CTNNA2: variants seen among roughly 807,000 people sequenced by gnomAD.
CTNNA2 encodes the protein catenin alpha 2.
In CTNNA2, 42 loss-of-function variants were observed where a neutral mutation model predicts 101.0. The ratio of observed to expected loss-of-function variants is 0.42; its 90% CI spans 0.32 to 0.54. The LOEUF (loss-of-function observed/expected upper bound fraction) is 0.54. CTNNA2 is among the 20% of genes least tolerant of loss of function. The probability of loss-of-function intolerance (pLI) is 0.14; values close to 1 mark genes in which losing one functional copy is unlikely to be tolerated. For missense variants in CTNNA2, 871 were observed against 1,223.1 expected, an observed-to-expected ratio of 0.71 and a Z score of 4.29; for synonymous variants, 450 against 456.4, an observed-to-expected ratio of 0.99 and a Z score of 0.18.
intron 9 of CTNNA2, among the ~76,000 whole-genome samples, chr2:80,484,240 AT>A (rs1686372224): frequency 6.6e-6 from 1 of 152,106 alleles, no homozygotes; most frequent in South Asian, 2.1e-4. Context: ...TTAAAGCAAG[AT>A]TTGTGATACT....
chr2:79,292,009 G>A (rs1308963113), intron 2 of CTNNA2, among the ~76,000 whole-genome samples: 1 of 152,062 alleles, frequency 6.6e-6, no homozygotes, highest in African/African-American at 2.4e-5. Context: ...TTGGGGGGTA[G>A]AGCTCACCTG....
intron 7 of CTNNA2, among the ~76,000 whole-genome samples, chr2:80,305,696 C>A (rs563947000): frequency 6.6e-6 from 1 of 152,090 alleles, no homozygotes; most frequent in African/African-American, 2.4e-5. Flanking sequence ...ATGAGCTCTC[C>A]CCCCACCTCC....
intron 4 of CTNNA2, among the ~76,000 whole-genome samples, chr2:79,399,367 T>C (rs1678266135): frequency 6.6e-6 from 1 of 152,104 alleles, no homozygotes; most frequent in African/African-American, 2.4e-5. Context: ...TAAGCTCTCA[T>C]TGCTATCAGA....
chr2:79,380,323 C>T (rs183428558), intron 4 of CTNNA2, among the ~76,000 whole-genome samples: 1 of 151,638 alleles, frequency 6.6e-6, no homozygotes, highest in Non-Finnish European at 1.5e-5. Flanking sequence ...AGAGGTTTCA[C>T]CATTATAACC....
intron 4 of CTNNA2, among the ~76,000 whole-genome samples, chr2:79,867,031 G>T (rs1193641629): frequency 6.6e-6 from 1 of 152,060 alleles, no homozygotes; most frequent in African/African-American, 2.4e-5. Flanking sequence ...TTCATGGTGG[G>T]GCCCAGACAG....
rs11885853 is a variant in CTNNA2 at position 80,528,274 on chromosome 2, C to A, written c.1291-16708C>A. 6.3e-4 allele frequency among the ~76,000 whole-genome samples: 96 copies of A among 152,262 alleles called. 1 individual carries two copies. The highest frequency in any genetic ancestry group is 2.2e-3 in the African/African-American group (93 of 41,560). ...ACAGTGGCGTGATCTTGGCTCACTG[C>A]AACCTCTGCCTCCTGGGGTTCAAGC... On this transcript the variant is annotated intron_variant, in intron 9 of 18. Transcript: ENST00000402739.
intron 2 of CTNNA2, among the ~76,000 whole-genome samples, chr2:79,222,687 C>T (rs1207189528): frequency 6.6e-6 from 1 of 151,932 alleles, no homozygotes; most frequent in East Asian, 1.9e-4. Flanking sequence ...CCTTTATTCT[C>T]TCTCTCTCTC....
At chr2:80,530,839 A>G (rs559555320) in intron 9 of CTNNA2, among the ~76,000 whole-genome samples, 2 of 152,200 alleles carry the variant, frequency 1.3e-5, no homozygotes, top group African/African-American at 2.4e-5. Context: ...CCCAGGGGAA[A>G]AGCATGGAAA....
chr2:79,884,375 T>C (rs957478032), intron 6 of CTNNA2, among the ~76,000 whole-genome samples: 4 of 152,154 alleles, frequency 2.6e-5, no homozygotes, highest in Non-Finnish European at 4.4e-5. Flanking sequence ...TTCCTGACAA[T>C]CCACAATCCT....
intron 9 of CTNNA2, among the ~76,000 whole-genome samples, chr2:80,520,160 G>A (rs1031376777): frequency 2.0e-5 from 3 of 152,096 alleles, no homozygotes; most frequent in Admixed American, 6.6e-5. Flanking sequence ...GAGACCAAGA[G>A]GGTGTGTGTT....
At chr2:79,496,551 A>AT (rs925357865) in intron 4 of CTNNA2, among the ~76,000 whole-genome samples, 27 of 150,366 alleles carry the variant, frequency 1.8e-4, no homozygotes, top group Admixed American at 4.7e-4. Flanking sequence ...AGCCAATATT[A>AT]TTTTTTTTTG....
At chr2:80,259,897 C>T (rs146467194) in intron 7 of CTNNA2, among the ~76,000 whole-genome samples, 17 of 152,198 alleles carry the variant, frequency 1.1e-4, no homozygotes, top group Non-Finnish European at 1.6e-4. Flanking sequence ...ATTGTGGCTG[C>T]GCAAAGGGTT....
intron 9 of CTNNA2, among the ~76,000 whole-genome samples, chr2:80,524,477 G>T (rs1003263534): frequency 3.5e-4 from 53 of 152,018 alleles, no homozygotes; most frequent in African/African-American, 1.3e-3. Context: ...TTAAAGTTCT[G>T]CCCATTGCCT....
chr2:79,948,535 T>G (rs1014319458), intron 7 of CTNNA2, among the ~76,000 whole-genome samples: 4 of 152,230 alleles, frequency 2.6e-5, no homozygotes, highest in Admixed American at 2.6e-4. Flanking sequence ...AGCGTTATGA[T>G]TTTTGTTTTG....
chr2:79,714,908 A>G lies in CTNNA2; in HGVS notation c.103-29479A>G, dbSNP rs150088047. Among the ~76,000 whole-genome samples the G allele has an allele frequency of 7.5e-3, 1,137 of 152,088 alleles. 4 individuals are homozygous for G. Among genetic ancestry groups the G allele is most frequent in the Middle Eastern group, 0.014 (4 of 294 alleles). On this transcript the variant is annotated intron_variant, in intron 2 of 18. Coordinates refer to ENST00000402739, the MANE Select transcript of CTNNA2 (RefSeq NM_001282597.3). ...GGAAAGATCCTAAAAACCACAGAGA[A>G]GGACGAGCGCGGTAGCTCACGCCTA...
At chr2:79,280,616 C>G (rs906319004) in intron 2 of CTNNA2, among the ~76,000 whole-genome samples, 18 of 118,132 alleles carry the variant, frequency 1.5e-4, no homozygotes, top group South Asian at 1.2e-3. Flanking sequence ...AGCATTCATC[C>G]TGTATGCTGT....
At chr2:79,286,673 G>A (rs1430365762) in intron 2 of CTNNA2, among the ~76,000 whole-genome samples, 1 of 152,078 alleles carries the variant, frequency 6.6e-6, no homozygotes, top group Non-Finnish European at 1.5e-5. Context: ...CTTTCTCTCT[G>A]GCCGCCCTTA....
At chr2:80,210,748 G>A (rs1294372168) in intron 7 of CTNNA2, among the ~76,000 whole-genome samples, 1 of 152,150 alleles carries the variant, frequency 6.6e-6, no homozygotes, top group East Asian at 1.9e-4. Flanking sequence ...GCATGGCTGG[G>A]TCAAATGGTA....
At chr2:79,660,258 T>G (rs1422820669) in intron 2 of CTNNA2, among the ~76,000 whole-genome samples, 1 of 133,206 alleles carries the variant, frequency 7.5e-6, no homozygotes, top group African/African-American at 2.6e-5. Flanking sequence ...TATATACATA[T>G]GTATGTATAT....
Sources: allele counts gnomAD v4.1 joint callset (sites outside exome capture counted in the v4.1 genomes callset), GRCh38; gene constraint gnomAD v4.1.1; transcripts MANE v1.5; gene names NCBI Gene and HGNC (gene_info 2026-07-23, HGNC 2026-07-21).